The following DAPK1 variants were observed in gnomAD, a reference collection of about 807,000 sequenced individuals.
DAPK1 encodes the protein death-associated protein kinase 1.
A neutral mutation model predicts 144.9 loss-of-function variants in DAPK1; 56 were observed. That is an observed-to-expected ratio of 0.39 (90% CI 0.31 to 0.48). The LOEUF is 0.48. Ranked by LOEUF, DAPK1 falls within the 20% of genes least tolerant of loss-of-function variation. The pLI is 0.95. For missense variants in DAPK1, 1,454 were observed against 1,875.4 expected (o/e 0.78, Z 4.15); for synonymous variants, 690 against 749.0 (o/e 0.92, Z 1.29).
chr9:87,527,234 A>G (rs769040731), intron 2 of DAPK1, among the ~76,000 whole-genome samples: 2 of 152,108 alleles, frequency 1.3e-5, no homozygotes, highest in Non-Finnish European at 2.9e-5. Context: ...CCCTTGACTT[A>G]TGTGCTCTTG....
intron 2 of DAPK1, among the ~76,000 whole-genome samples, chr9:87,530,929 A>G (rs1825676588): frequency 1.3e-5 from 2 of 151,728 alleles, no homozygotes; most frequent in South Asian, 4.2e-4. Context: ...ATTTTAAGTA[A>G]CTTCCTTTCC....
At chr9:87,530,366 G>C (rs1430695364) in intron 2 of DAPK1, among the ~76,000 whole-genome samples, 1 of 152,190 alleles carries the variant, frequency 6.6e-6, no homozygotes, top group Non-Finnish European at 1.5e-5. Context: ...CTAGCCCTCT[G>C]TAGGGTAGCT....
intron 19 of DAPK1, chr9:87,668,889 A>G: frequency 1.9e-6 from 1 of 529,078 alleles, no homozygotes; most frequent in Non-Finnish European, 3.4e-6. Flanking sequence ...ATCATTTAGC[A>G]TGTTTGCAGT....
intron 2 of DAPK1, among the ~76,000 whole-genome samples, chr9:87,527,473 T>G (rs747732792): frequency 3.3e-5 from 5 of 152,190 alleles, no homozygotes; most frequent in Non-Finnish European, 5.9e-5. Context: ...CCATGCGCTG[T>G]ACAGGGAATG....
At chr9:87,670,155 G>A (rs36216621) in intron 19 of DAPK1, among the ~76,000 whole-genome samples, 1 of 152,166 alleles carries the variant, frequency 6.6e-6, no homozygotes, top group Non-Finnish European at 1.5e-5. Context: ...AAACTCAAGG[G>A]AAACCTTTTC....
intron 2 of DAPK1, among the ~76,000 whole-genome samples, chr9:87,536,864 AT>A (rs1792069238): frequency 6.6e-6 from 1 of 152,180 alleles, no homozygotes; most frequent in African/African-American, 2.4e-5. Context: ...AAGAACTTTA[AT>A]TAACCTGATT....
chr9:87,577,105 A>G (rs1827588904), intron 2 of DAPK1, among the ~76,000 whole-genome samples: 2 of 152,320 alleles, frequency 1.3e-5, no homozygotes, highest in Admixed American at 1.3e-4. Context: ...TCCCTCAAAT[A>G]TATACGGGAA....
At chr9:87,543,742 C>A (rs568191758) in intron 2 of DAPK1, among the ~76,000 whole-genome samples, 8 of 152,112 alleles carry the variant, frequency 5.3e-5, no homozygotes, top group Non-Finnish European at 1.2e-4. Flanking sequence ...TGAGTGATCT[C>A]TTATGGTTCT....
intron 2 of DAPK1, among the ~76,000 whole-genome samples, chr9:87,518,785 T>C (rs1251979505): frequency 1.3e-5 from 2 of 152,180 alleles, no homozygotes; most frequent in Non-Finnish European, 1.5e-5. Context: ...TGGGTATCCA[T>C]GTTGGTGCCT....
chr9:87,698,807 C>T lies in DAPK1; in HGVS notation c.2750+13C>T, dbSNP rs760545715. The T allele has an allele frequency of 5.8e-6, 9 of 1,559,028 alleles. No homozygotes were observed. Among genetic ancestry groups the T allele is most frequent in the Admixed American group, 1.7e-5 (1 of 59,832 alleles). ...AGATTAGGAACAGGTGAGGGGCAGCCACTTAGTCTCCAGCTCACGGGTAGC... is the reference window on the plus strand; with the variant it reads ...AGATTAGGAACAGGTGAGGGGCAGCTACTTAGTCTCCAGCTCACGGGTAGC... On this transcript the variant is annotated intron_variant, in intron 23 of 25. Transcript: ENST00000408954.
At chr9:87,655,172 G>C (rs1830589384) in intron 17 of DAPK1, among the ~76,000 whole-genome samples, 1 of 152,138 alleles carries the variant, frequency 6.6e-6, no homozygotes, top group Non-Finnish European at 1.5e-5. Context: ...GGAATTAGCA[G>C]CAAAATTCAG....
At chr9:87,517,953 A>G (rs1179679138) in intron 2 of DAPK1, among the ~76,000 whole-genome samples, 1 of 152,140 alleles carries the variant, frequency 6.6e-6, no homozygotes, top group Non-Finnish European at 1.5e-5. Flanking sequence ...ACACAAGAGG[A>G]AATGGGCACC....
chr9:87,557,230 C>T (rs1159799861), intron 2 of DAPK1, among the ~76,000 whole-genome samples: 2 of 152,164 alleles, frequency 1.3e-5, no homozygotes, highest in Non-Finnish European at 2.9e-5. Context: ...ACACATCCAT[C>T]CAGGCAGCCC....
At chr9:87,565,380 A>G (rs1361695852) in intron 2 of DAPK1, among the ~76,000 whole-genome samples, 1 of 152,218 alleles carries the variant, frequency 6.6e-6, no homozygotes, top group Non-Finnish European at 1.5e-5. Context: ...TTGAGGATGC[A>G]GCTCTCAGGA....
At chr9:87,649,336 A>G (rs1830368487) in intron 15 of DAPK1, among the ~76,000 whole-genome samples, 2 of 152,192 alleles carry the variant, frequency 1.3e-5, no homozygotes, top group South Asian at 4.1e-4. Context: ...TTGATCCTGA[A>G]GATACAGGCC....
intron 2 of DAPK1, among the ~76,000 whole-genome samples, chr9:87,567,844 C>T (rs1278799137): frequency 6.6e-6 from 1 of 152,202 alleles, no homozygotes; most frequent in Non-Finnish European, 1.5e-5. Context: ...AATGGATTGG[C>T]TAGCGATCGT....
At chr9:87,561,368 T>C (rs1164062487) in intron 2 of DAPK1, among the ~76,000 whole-genome samples, 2 of 151,952 alleles carry the variant, frequency 1.3e-5, no homozygotes, top group Non-Finnish European at 1.5e-5. Flanking sequence ...CTCCTAAAAA[T>C]ACAAAAAATT....
chr9:87,618,924 G>C (rs1314106996), intron 3 of DAPK1, among the ~76,000 whole-genome samples: 2 of 152,196 alleles, frequency 1.3e-5, no homozygotes, highest in Admixed American at 6.5e-5. Flanking sequence ...TATATATCAA[G>C]AAAGATTTAA....
At chr9:87,602,220 A>C (rs1454718444) in intron 2 of DAPK1, among the ~76,000 whole-genome samples, 1 of 152,196 alleles carries the variant, frequency 6.6e-6, no homozygotes, top group African/African-American at 2.4e-5. Flanking sequence ...AGCTCATTCT[A>C]GACCCTCATT....
Sources: gnomAD v4.1 joint callset for allele counts (sites outside exome capture counted in the v4.1 genomes callset) on GRCh38, gnomAD v4.1.1 for gene constraint, MANE v1.5 for transcripts, NCBI Gene and HGNC (gene_info 2026-07-23, HGNC 2026-07-21) for gene names.